The following IGF1 variants were observed in gnomAD, a reference collection of about 807,000 sequenced individuals.
The protein encoded by IGF1 is insulin-like growth factor 1.
A neutral mutation model predicts 13.8 loss-of-function variants in IGF1; 4 were observed. The ratio of observed to expected loss-of-function variants is 0.29; its 90% CI spans 0.14 to 0.66. IGF1 has a LOEUF of 0.66. Ranked by LOEUF, IGF1 falls within the 30% of genes least tolerant of loss-of-function variation. The pLI, the probability that IGF1 is intolerant of heterozygous loss-of-function variation, is 0.78. For missense variants in IGF1, 124 were observed against 188.5 expected (o/e 0.66, Z 2.00); for synonymous variants, 76 against 72.6 (o/e 1.05, Z -0.23).
chr12:102,425,305 C>G (rs529946213), intron 2 of IGF1, among the ~76,000 whole-genome samples: 124 of 152,220 alleles, frequency 8.1e-4, no homozygotes, highest in Non-Finnish European at 1.5e-3. Flanking sequence ...TTCTTGAAAA[C>G]CTATCAAATT....
chr12:102,473,055 A>G (rs180788455), intron 2 of IGF1, among the ~76,000 whole-genome samples: 5 of 152,276 alleles, frequency 3.3e-5, no homozygotes, highest in Admixed American at 1.3e-4. Flanking sequence ...ATTCAATTCA[A>G]TCCTGTCAGT....
chr12:102,468,842 G>C (rs1429698398), intron 2 of IGF1, among the ~76,000 whole-genome samples: 1 of 152,238 alleles, frequency 6.6e-6, no homozygotes, highest in Non-Finnish European at 1.5e-5. Flanking sequence ...AGAACAATGA[G>C]ACATCTCCTT....
chr12:102,478,312 A>G (rs1056321131), intron 1 of IGF1, among the ~76,000 whole-genome samples: 2 of 152,138 alleles, frequency 1.3e-5, no homozygotes, highest in Non-Finnish European at 2.9e-5. Context: ...GACATGAGAA[A>G]AAAAGAAAAA....
upstream of IGF1, chr12:102,480,680 A>G: frequency 1.7e-6 from 2 of 1,154,342 alleles, no homozygotes; most frequent in Non-Finnish European, 2.3e-6. Flanking sequence ...GTTATTGAGT[A>G]AGGACTTTTT....
rs1875519321 is a variant in IGF1 at position 102,419,684 on chromosome 12, G to T, written c.227C>A (p.Pro76His). The change falls in exon 3 of 4, where the codon CCC (proline) becomes CAC (histidine). Residue 76 changes from proline (P) to histidine (H), a missense_variant. This residue lies in a region of IGF1 where 99 missense variants were observed against 171.4 expected (regional missense o/e 0.58). Coordinates refer to ENST00000337514, the MANE Select transcript of IGF1 (RefSeq NM_000618.5). The stretch of plus-strand genomic sequence containing the variant: ...CCGACTGCTGGAGCCATACCCTGTG[G>T]GCTTGTCTGCACAAATCAAACAGAG... ...CGDRGFYFNKPTGYGSSSRRA... is the reference protein window; with the variant it reads ...CGDRGFYFNKHTGYGSSSRRA... 6.2e-7 allele frequency: 1 copy of T among 1,611,972 alleles called. No homozygotes were observed. Among genetic ancestry groups the T allele is most frequent in the Non-Finnish European group, 8.5e-7 (1 of 1,179,990 alleles).
chr12:102,418,007 TA>T, intron 3 of IGF1: 2 of 1,604,382 alleles, frequency 1.2e-6, no homozygotes, highest in South Asian at 2.3e-5. Flanking sequence ...GCTGATACTG[TA>T]AACATCACAA....
chr12:102,426,595 A>C (rs1876227322), intron 2 of IGF1, among the ~76,000 whole-genome samples: 1 of 152,238 alleles, frequency 6.6e-6, no homozygotes, highest in Admixed American at 6.5e-5. Context: ...TTTAATCTAG[A>C]ATAGACACTA....
intron 2 of IGF1, among the ~76,000 whole-genome samples, chr12:102,420,553 T>C (rs1218626917): frequency 1.3e-5 from 2 of 152,126 alleles, no homozygotes; most frequent in Non-Finnish European, 2.9e-5. Context: ...AGAAGCATTG[T>C]CACTATTGAC....
chr12:102,472,193 G>T lies in IGF1; in HGVS notation c.220+3450C>A, dbSNP rs534297149. On this transcript the variant is annotated intron_variant, in intron 2 of 3. Coordinates refer to ENST00000337514, the MANE Select transcript of IGF1 (RefSeq NM_000618.5). ...AGAATGAGTAATTAGCTCTTCATTG[G>T]GTCTTTCATTTCATAAAATGTCTAG... Among the ~76,000 whole-genome samples the T allele has an allele frequency of 5.3e-5, 8 of 152,048 alleles. No homozygotes were observed. In the East Asian group the frequency reaches 1.5e-3, roughly 29 times the overall value.
intron 2 of IGF1, among the ~76,000 whole-genome samples, chr12:102,442,714 C>T (rs1365481002): frequency 6.6e-6 from 1 of 152,122 alleles, no homozygotes; most frequent in Non-Finnish European, 1.5e-5. Context: ...CGCTCATTTG[C>T]TCTAACACAT....
chr12:102,476,351 G>A (rs949026021), intron 1 of IGF1, among the ~76,000 whole-genome samples: 18 of 150,930 alleles, frequency 1.2e-4, no homozygotes, highest in African/African-American at 4.4e-4. Context: ...GCCAAAAAAT[G>A]GCTTTTGACA....
intron 2 of IGF1, among the ~76,000 whole-genome samples, chr12:102,458,779 T>C (rs1311948524): frequency 1.4e-5 from 2 of 142,452 alleles, no homozygotes; most frequent in Non-Finnish European, 1.5e-5. Context: ...AGTAATATTA[T>C]TGCTTCTCTC....
At chr12:102,417,428 G>T in intron 3 of IGF1, 1 of 513,080 alleles carries the variant, frequency 1.9e-6, no homozygotes, top group East Asian at 1.4e-4. Context: ...AACATATATT[G>T]ACATAGGCAA....
In IGF1 at chr12:102,419,637, C is replaced by T. The variant is rs121912430; in HGVS notation, c.274G>A (p.Val92Met). 6.2e-7 allele frequency: 1 copy of T among 1,613,622 alleles called. No individual in the cohort carries two copies. Among genetic ancestry groups the T allele is most frequent in the Non-Finnish European group, 8.5e-7 (1 of 1,180,032 alleles). The change falls in exon 3 of 4, where the codon GTG becomes ATG. Residue 92 changes from valine (V) to methionine (M), a missense_variant. Coordinates refer to ENST00000337514, the MANE Select transcript of IGF1 (RefSeq NM_000618.5). ...SSRRAPQTGI[V>M]DECCFRSCDL... The stretch of plus-strand genomic sequence containing the variant: ...CAGCTCCGGAAGCAGCACTCATCCA[C>T]GATGCCTGTCTGAGGCGCCCTCCGA...
At chr12:102,416,263 TC>T (rs1875130723) in intron 3 of IGF1, among the ~76,000 whole-genome samples, 1 of 152,232 alleles carries the variant, frequency 6.6e-6, no homozygotes, top group Non-Finnish European at 1.5e-5. Context: ...TTGTACCCTT[TC>T]TCAGCTCTTC....
chr12:102,443,615 A>G (rs137967586), intron 2 of IGF1, among the ~76,000 whole-genome samples: 1 of 152,212 alleles, frequency 6.6e-6, no homozygotes, highest in East Asian at 1.9e-4. Flanking sequence ...TTTTCATGAT[A>G]ACCTCCTCTT....
At chr12:102,445,854 A>C (rs1017849858) in intron 2 of IGF1, among the ~76,000 whole-genome samples, 1 of 152,126 alleles carries the variant, frequency 6.6e-6, no homozygotes, top group Admixed American at 6.5e-5. Context: ...ACTCAGTATG[A>C]TATTGGCTGT....
In IGF1 at chr12:102,397,046, C is replaced by T. The variant is rs5742712; in HGVS notation, c.*5461G>A. On this transcript the variant is annotated 3_prime_UTR_variant, in exon 4 of 4. Transcript: ENST00000337514. ...TAAAACCCCGTCTCTATTAAAAATC[C>T]AAAAAATTAGCCGGGCATAGTGGTG... The T allele has an allele frequency of 2.1e-4, 79 of 375,440 alleles. No individual in the cohort carries two copies. The South Asian group carries it at 9.6e-3, about 45-fold the overall frequency. The allele number at this position is 375,440 out of a possible 1,614,324, so 23.3% of individuals were successfully genotyped here. A position where few individuals can be genotyped will look rare whatever the true frequency, so the allele number is the denominator to read the frequency against.
chr12:102,456,438 T>G (rs1879410559), intron 2 of IGF1, among the ~76,000 whole-genome samples: 1 of 152,188 alleles, frequency 6.6e-6, no homozygotes, highest in Non-Finnish European at 1.5e-5. Context: ...TAATAATATT[T>G]TGTCAGAAGT....
Sources: allele counts gnomAD v4.1 joint callset (sites outside exome capture counted in the v4.1 genomes callset), GRCh38; gene constraint gnomAD v4.1.1; regional missense constraint gnomAD v4.1.1; transcripts MANE v1.5; gene names NCBI Gene and HGNC (gene_info 2026-07-23, HGNC 2026-07-21).